The following PAWR variants were observed in gnomAD, a reference collection of about 807,000 sequenced individuals.
PAWR encodes PRKC apoptosis WT1 regulator protein.
PAWR carries 23 observed loss-of-function variants against 32.0 expected under a neutral mutation model. The ratio of observed to expected loss-of-function variants is 0.72; its 90% CI spans 0.52 to 1.02. The LOEUF (loss-of-function observed/expected upper bound fraction) is 1.02, where lower values mean the gene tolerates loss of function less well. PAWR is among the 50% of genes least tolerant of loss of function. The probability of loss-of-function intolerance (pLI) is 0.00; values close to 1 mark genes in which losing one functional copy is unlikely to be tolerated. For synonymous variants in PAWR, 226 were observed against 187.1 expected (o/e 1.21, Z -1.70); for missense variants, 457 against 437.7 (o/e 1.04, Z -0.39).
chr12:79,636,060 T>C (rs188313609), intron 2 of PAWR, among the ~76,000 whole-genome samples: 2 of 152,242 alleles, frequency 1.3e-5, no homozygotes, highest in East Asian at 1.9e-4. Context: ...CATGCTGCTT[T>C]TGAAAGACTA....
At chr12:79,682,247 G>T (rs1430034050) in intron 2 of PAWR, among the ~76,000 whole-genome samples, 1 of 150,512 alleles carries the variant, frequency 6.6e-6, no homozygotes, top group South Asian at 2.1e-4. Context: ...GACCTCCTGG[G>T]CTCAATTGAT....
intron 2 of PAWR, among the ~76,000 whole-genome samples, chr12:79,649,747 G>A (rs188608973): frequency 3.2e-4 from 48 of 152,204 alleles, no homozygotes; most frequent in East Asian, 2.1e-3. Flanking sequence ...CTATGATTGC[G>A]CCAAGGGACT....
intron 2 of PAWR, among the ~76,000 whole-genome samples, chr12:79,652,983 T>TA (rs1209455607): frequency 1.3e-5 from 2 of 152,180 alleles, no homozygotes; most frequent in African/African-American, 4.8e-5. Flanking sequence ...TACTTTGAGT[T>TA]AAAAAAATAA....
intron 2 of PAWR, among the ~76,000 whole-genome samples, chr12:79,632,745 C>G (rs1371914038): frequency 6.6e-6 from 1 of 151,818 alleles, no homozygotes; most frequent in Non-Finnish European, 1.5e-5. Flanking sequence ...GCAAATGGTG[C>G]TGTAACAAAT....
intron 2 of PAWR, among the ~76,000 whole-genome samples, chr12:79,639,753 T>C (rs1276360196): frequency 1.3e-5 from 2 of 150,828 alleles, no homozygotes; most frequent in Admixed American, 1.3e-4. Context: ...CAGTAGTGGC[T>C]GGCACATACT....
chr12:79,609,635 G>A (rs576907125), intron 4 of PAWR, among the ~76,000 whole-genome samples: 2 of 152,000 alleles, frequency 1.3e-5, no homozygotes, highest in African/African-American at 4.8e-5. Flanking sequence ...GCTGCACCAG[G>A]GAAAGATTAT....
chr12:79,671,959 T>C (rs914143355), intron 2 of PAWR, among the ~76,000 whole-genome samples: 1 of 152,184 alleles, frequency 6.6e-6, no homozygotes, highest in Non-Finnish European at 1.5e-5. Context: ...ACTGCACGAA[T>C]AGCAGTGAAA....
chr12:79,623,299 T>G (rs572052698), intron 2 of PAWR, among the ~76,000 whole-genome samples: 2 of 152,288 alleles, frequency 1.3e-5, no homozygotes, highest in African/African-American at 4.8e-5. Context: ...GACAATATCT[T>G]GTTTAATGAC....
Position 79,632,288 on chromosome 12 carries a change from AATATATACATATATATATACATACAT to A in PAWR, c.517-11107_517-11082del, listed in dbSNP as rs1566010760. 368 of 88,826 alleles carry A rather than the reference AATATATACATATATATATACATACAT, an allele frequency of 4.1e-3. 49 individuals are homozygous for A. The highest frequency in any genetic ancestry group is 0.027 in the African/African-American group (274 of 10,070). The allele number at this position is 88,826 out of a possible 1,614,324, so 5.5% of individuals were successfully genotyped here. On this transcript the variant is annotated intron_variant, in intron 2 of 6. Transcript: ENST00000328827. The stretch of plus-strand genomic sequence containing the variant: ...GAATGCACTAGAGTCCAGAAATAGA[AATATATACATATATATATACATACAT>A]ATATATATATATATATATATATATA...
chr12:79,642,122 A>G (rs1044237227), intron 2 of PAWR, among the ~76,000 whole-genome samples: 2 of 152,216 alleles, frequency 1.3e-5, no homozygotes, highest in Non-Finnish European at 2.9e-5. Context: ...AAAAGGGAAT[A>G]AAAGTATAAA....
rs371085942 is a variant in PAWR at position 79,621,158 on chromosome 12, C to T, written c.566G>A (p.Arg189Gln). 2.0e-5 allele frequency: 33 copies of T among 1,611,272 alleles called. No homozygotes were observed. Among genetic ancestry groups the T allele is most frequent in the Admixed American group, 5.0e-5 (3 of 59,988 alleles). ...GTTCTGTTGTGTAATTGCATCTTCT[C>T]GTTTCCGCTCTTTCTGCCCTGCTTC... The part of the protein sequence containing the change: ...DDEAGQKERK[R>Q]EDAITQQNTI... The change falls in exon 3 of 7, where the codon CGA (arginine) becomes CAA (glutamine). Residue 189 changes from arginine to glutamine, a missense_variant. Arg to Gln is a conservative substitution (Grantham distance 43). Transcript: ENST00000328827.
In PAWR at chr12:79,645,673, T is replaced by C. The variant is rs184731581; in HGVS notation, c.517-24466A>G. Among the ~76,000 whole-genome samples the C allele has an allele frequency of 2.7e-3, 414 of 152,332 alleles. 3 individuals carry two copies. Among genetic ancestry groups the C allele is most frequent in the African/African-American group, 8.8e-3 (366 of 41,562 alleles). On this transcript the variant is annotated intron_variant, in intron 2 of 6. Coordinates refer to ENST00000328827, the MANE Select transcript of PAWR (RefSeq NM_002583.4). Reference sequence around the variant, plus strand: ...TACTTAGGAAAAACATCCAGTGTTATACATCTAAAACTCATAAATTAATAG... The same window carrying C: ...TACTTAGGAAAAACATCCAGTGTTACACATCTAAAACTCATAAATTAATAG...
At chr12:79,635,322 T>C (rs1875908094) in intron 2 of PAWR, among the ~76,000 whole-genome samples, 1 of 152,084 alleles carries the variant, frequency 6.6e-6, no homozygotes. Flanking sequence ...TCTTTCATAA[T>C]ACCTAAAAGG....
intron 4 of PAWR, chr12:79,604,464 T>G: frequency 9.3e-7 from 1 of 1,077,186 alleles, no homozygotes; most frequent in Non-Finnish European, 1.1e-6. Flanking sequence ...AGATTATAGC[T>G]AGAGGAATTT....
chr12:79,599,127 A>G (rs1326738222), intron 4 of PAWR, among the ~76,000 whole-genome samples: 4 of 152,230 alleles, frequency 2.6e-5, no homozygotes, highest in Non-Finnish European at 5.9e-5. Flanking sequence ...ATATTTGAAA[A>G]GCTGGGGACC....
intron 2 of PAWR, among the ~76,000 whole-genome samples, chr12:79,646,422 T>C (rs1184027704): frequency 1.3e-5 from 2 of 152,120 alleles, no homozygotes; most frequent in Non-Finnish European, 2.9e-5. Flanking sequence ...AACAAACCAT[T>C]TGAGAAATAA....
intron 2 of PAWR, chr12:79,688,390 T>C (rs1190556870): frequency 6.6e-6 from 1 of 151,838 alleles, no homozygotes; most frequent in African/African-American, 2.4e-5. Flanking sequence ...CATCAGCTAC[T>C]TTTAAAAATC....
chr12:79,601,968 CAAT>C (rs1461339108), intron 4 of PAWR, among the ~76,000 whole-genome samples: 28 of 152,298 alleles, frequency 1.8e-4, no homozygotes, highest in African/African-American at 5.8e-4. Context: ...AGCTGAACAA[CAAT>C]GTGATCTTAT....
chr12:79,620,926 T>G, intron 3 of PAWR, 150 bp downstream of exon 3: 1 of 615,756 alleles, frequency 1.6e-6, no homozygotes, highest in South Asian at 2.1e-5. Flanking sequence ...GAGCCCAACA[T>G]GTGATGTCAG....
Sources: gnomAD v4.1 joint callset for allele counts (sites outside exome capture counted in the v4.1 genomes callset) on GRCh38, gnomAD v4.1.1 for gene constraint, MANE v1.5 for transcripts, NCBI Gene and HGNC (gene_info 2026-07-23, HGNC 2026-07-21) for gene names.